ZNF536: variants seen among roughly 807,000 people sequenced by gnomAD.
The protein encoded by ZNF536 is zinc finger protein 536.
ZNF536 carries 13 observed loss-of-function variants against 84.5 expected under a neutral mutation model. That is an observed-to-expected ratio of 0.15 (90% confidence interval 0.10 to 0.24). The LOEUF (loss-of-function observed/expected upper bound fraction) is 0.24, where lower values mean the gene tolerates loss of function less well. ZNF536 is among the 10% of genes least tolerant of loss of function. ZNF536 has a pLI of 1.00. For synonymous variants in ZNF536, 811 were observed against 742.5 expected, an observed-to-expected ratio of 1.09 and a Z score of -1.50; for missense variants, 1,536 against 1,747.5, an observed-to-expected ratio of 0.88 and a Z score of 2.16.
intron 1 of ZNF536, among the ~76,000 whole-genome samples, chr19:30,581,336 G>A (rs972291415): frequency 6.6e-6 from 1 of 152,106 alleles, no homozygotes; most frequent in Non-Finnish European, 1.5e-5. Flanking sequence ...AATTAGCTGG[G>A]CATGGTGGTG....
At position 30,557,182 on chromosome 19, in the gene ZNF536, G is replaced by T. The variant is rs368007455; in HGVS notation, c.*18G>T. 2.5e-6 allele frequency: 4 copies of T among 1,613,100 alleles called. No homozygotes were observed. The highest frequency in any genetic ancestry group is 2.2e-5 in the South Asian group (2 of 90,890). On this transcript the variant is annotated 3_prime_UTR_variant, in exon 5 of 5. Transcript: ENST00000355537. The stretch of plus-strand genomic sequence containing the variant: ...GTAAGTGACACTCCCTGTCCTAGTC[G>T]GTCTATCTGGACTTGCCCTTGTCTG...
chr19:30,365,543 T>C (rs977349401), intron 3 of ZNF536, among the ~76,000 whole-genome samples: 1 of 152,226 alleles, frequency 6.6e-6, no homozygotes, highest in Non-Finnish European at 1.5e-5. Flanking sequence ...GCATTGCCAC[T>C]TCTATGAATG....
At chr19:30,708,175 CT>C (rs35179356) in intron 1 of ZNF536, among the ~76,000 whole-genome samples, 44,304 of 152,010 alleles carry the variant, frequency 0.29, 6,904 homozygotes, top group East Asian at 0.42. Context: ...AATTCACGGC[CT>C]TTTTGGGAGG....
rs781063881 is a variant in ZNF536 at position 30,444,271 on chromosome 19, G to C, written c.709G>C (p.Ala237Pro). ...PPHAQQAPLA[A>P]CTLALQANHS... ...GCACGCCCAGCAGGCCCCGCTGGCC[G>C]CCTGCACCCTGGCCCTGCAGGCTAA... The change falls in exon 2 of 5, where the codon GCC (alanine) becomes CCC (proline). Residue 237 changes from alanine to proline, a missense_variant. By Grantham distance (27) the Ala-to-Pro change is conservative. Coordinates refer to ENST00000355537, the MANE Select transcript of ZNF536 (RefSeq NM_014717.3). 6.4e-6 allele frequency: 10 copies of C among 1,559,148 alleles called. No homozygotes were observed. Among genetic ancestry groups the C allele is most frequent in the Non-Finnish European group, 6.0e-6 (7 of 1,160,132 alleles).
At chr19:30,349,607 G>T (rs1189828625) in intron 2 of ZNF536, among the ~76,000 whole-genome samples, 1 of 152,010 alleles carries the variant, frequency 6.6e-6, no homozygotes, top group Non-Finnish European at 1.5e-5. Flanking sequence ...CACTCGAGAA[G>T]AACTATAGAG....
chr19:30,256,522 T>C (rs2024925305), intron 1 of ZNF536, among the ~76,000 whole-genome samples: 1 of 152,238 alleles, frequency 6.6e-6, no homozygotes, highest in Admixed American at 6.5e-5. Flanking sequence ...TGATTACCAA[T>C]ATAAAACAGG....
At chr19:30,307,434 G>C (rs1055060270) in intron 2 of ZNF536, among the ~76,000 whole-genome samples, 2 of 151,690 alleles carry the variant, frequency 1.3e-5, no homozygotes, top group Admixed American at 1.3e-4. Context: ...CTTTACATGA[G>C]GGATGCTTTT....
chr19:30,686,233 A>AC (rs1176904355), intron 1 of ZNF536, among the ~76,000 whole-genome samples: 2 of 148,342 alleles, frequency 1.3e-5, no homozygotes, highest in Non-Finnish European at 3.0e-5. Flanking sequence ...AGCAGCGAGC[A>AC]CCCCCCAACT....
chr19:30,523,351 A>G (rs749375755), intron 2 of ZNF536, among the ~76,000 whole-genome samples: 20 of 152,152 alleles, frequency 1.3e-4, no homozygotes, highest in Non-Finnish European at 2.8e-4. Context: ...CTTAGACTCT[A>G]CAATCCTTTG....
At chr19:30,378,736 C>A (rs2147131852) in intron 1 of ZNF536, among the ~76,000 whole-genome samples, 1 of 152,292 alleles carries the variant, frequency 6.6e-6, no homozygotes, top group African/African-American at 2.4e-5. Flanking sequence ...GGGACAGGAA[C>A]AAAAACTGGT....
intron 4 of ZNF536, among the ~76,000 whole-genome samples, chr19:30,552,933 G>C (rs777031139): frequency 3.9e-5 from 6 of 152,174 alleles, no homozygotes; most frequent in African/African-American, 1.4e-4. Context: ...CAGAGGACAG[G>C]CATCTTTGCT....
At chr19:30,254,560 G>A (rs2866818) in intron 1 of ZNF536, among the ~76,000 whole-genome samples, 142,486 of 142,914 alleles carry the variant, frequency 1, 71,030 homozygotes, top group Middle Eastern at 1. Flanking sequence ...CCAGAGAGTT[G>A]TCTTAAATTT....
rs151016145 is a variant in ZNF536 at position 30,252,239 on chromosome 19, A to G, written c.-190+23566A>G. 4.0e-3 allele frequency among the ~76,000 whole-genome samples: 611 copies of G among 152,338 alleles called. 1 individual carries two copies. The highest frequency in any genetic ancestry group is 6.8e-3 in the Non-Finnish European group (466 of 68,032). ...TTAGGGAAATGCAAATCAAAACCGC[A>G]ATGCAATACCACCCTACTCCTGCAA... On this transcript the variant is annotated intron_variant, in intron 1 of 5. Transcript: ENST00000585628.
intron 1 of ZNF536, among the ~76,000 whole-genome samples, chr19:30,397,753 A>G (rs1287799681): frequency 6.6e-6 from 1 of 152,238 alleles, no homozygotes; most frequent in East Asian, 1.9e-4. Flanking sequence ...TAATGATTAC[A>G]AGGTATTAGA....
rs2046120524 is a variant in ZNF536 at position 30,299,812 on chromosome 19, C to T, written c.-120+15671C>T. ...AATATTCCTTAATTAATCCATTATG[C>T]CATGGTACACATGTGCCATTTTTAT... On this transcript the variant is annotated intron_variant, in intron 2 of 5. Transcript: ENST00000585628. Among the ~76,000 whole-genome samples, 3 of 152,016 alleles carry T rather than the reference C, an allele frequency of 2.0e-5. 1 individual carries two copies. The South Asian group carries it at 6.2e-4, about 32-fold the overall frequency.
intron 1 of ZNF536, among the ~76,000 whole-genome samples, chr19:30,675,105 C>A (rs555454224): frequency 1.3e-5 from 2 of 152,306 alleles, no homozygotes; most frequent in Non-Finnish European, 2.9e-5. Context: ...GGCTTTCATT[C>A]CTGTAGCTAT....
chr19:30,679,811 T>C (rs1022733113), intron 1 of ZNF536, among the ~76,000 whole-genome samples: 9 of 152,158 alleles, frequency 5.9e-5, no homozygotes, highest in Non-Finnish European at 1.0e-4. Flanking sequence ...CTCTGGAAAA[T>C]TGAGAGAAAT....
chr19:30,233,262 A>G (rs1019004948), intron 1 of ZNF536, among the ~76,000 whole-genome samples: 2 of 151,936 alleles, frequency 1.3e-5, no homozygotes, highest in East Asian at 1.9e-4. Flanking sequence ...GTGACATGCA[A>G]ACTAAGCAGT....
intron 2 of ZNF536, among the ~76,000 whole-genome samples, chr19:30,478,855 C>A (rs2053958163): frequency 6.6e-6 from 1 of 152,196 alleles, no homozygotes; most frequent in Non-Finnish European, 1.5e-5. Context: ...GTGCACAGGA[C>A]CTGCTGGGTT....
Sources: allele counts gnomAD v4.1 joint callset (sites outside exome capture counted in the v4.1 genomes callset), GRCh38; gene constraint gnomAD v4.1.1; transcripts MANE v1.5; gene names NCBI Gene and HGNC (gene_info 2026-07-23, HGNC 2026-07-21).